Variants in DIPK1A observed in about 807,000 individuals in gnomAD.
The protein encoded by DIPK1A is family with sequence similarity 69 member A.
A neutral mutation model predicts 40.8 loss-of-function variants in DIPK1A; 27 were observed. The observed-to-expected ratio is 0.66, with a 90% CI of 0.49 to 0.91. The LOEUF (loss-of-function observed/expected upper bound fraction) is 0.91. Among genes scored for constraint, DIPK1A ranks in the 40% least tolerant of loss-of-function variants. The pLI, the probability that DIPK1A is intolerant of heterozygous loss-of-function variation, is 0.00. For synonymous variants in DIPK1A, 166 were observed against 171.3 expected (o/e 0.97, Z 0.24); for missense variants, 412 against 505.7 (o/e 0.81, Z 1.78).
chr1:92,911,081 C>T (rs909883910), intron 1 of DIPK1A, among the ~76,000 whole-genome samples: 2 of 152,080 alleles, frequency 1.3e-5, no homozygotes, highest in Admixed American at 6.5e-5. Flanking sequence ...GGCTTTTTTT[C>T]GGCAAGCATA....
intron 4 of DIPK1A, chr1:92,845,357 A>T (rs1421680801): frequency 7.3e-6 from 1 of 136,276 alleles, no homozygotes; most frequent in Admixed American, 8.0e-5. Flanking sequence ...AGTTTTAGTG[A>T]CATGTAATAA....
At chr1:92,929,002 CTGTT>C (rs1395846553) in intron 1 of DIPK1A, among the ~76,000 whole-genome samples, 1 of 152,072 alleles carries the variant, frequency 6.6e-6, no homozygotes, top group African/African-American at 2.4e-5. Flanking sequence ...TTCTCTTTCT[CTGTT>C]TGAGGTTTCC....
intron 4 of DIPK1A, chr1:92,834,724 T>C (rs1187407366): frequency 5.0e-6 from 8 of 1,604,522 alleles, no homozygotes; most frequent in Non-Finnish European, 6.8e-6. Context: ...ATAATTAAGA[T>C]GTAGTAAGAC....
intron 1 of DIPK1A, among the ~76,000 whole-genome samples, chr1:92,944,043 G>A (rs1484848161): frequency 6.6e-6 from 1 of 151,904 alleles, no homozygotes; most frequent in African/African-American, 2.4e-5. Context: ...CTATGAATAG[G>A]AAACCATAAA....
In DIPK1A at chr1:92,848,206, AAAAT is replaced by A. The variant is rs760414910; in HGVS notation, c.298-851_298-848del. 2.0e-5 allele frequency among the ~76,000 whole-genome samples: 3 copies of A among 152,242 alleles called. No individual in the cohort carries two copies. In the South Asian group the frequency reaches 6.2e-4, roughly 32 times the overall value. On this transcript the variant is annotated intron_variant, in intron 3 of 4. Coordinates refer to ENST00000370310, the MANE Select transcript of DIPK1A (RefSeq NM_001006605.5). ...ATAGGTTGCCCCTCTTCTACATAAA[AAAAT>A]AAATAAGATCATATTCATTCTTAAT...
chr1:92,880,889 AC>A (rs1648338002), intron 1 of DIPK1A, among the ~76,000 whole-genome samples: 1 of 140,182 alleles, frequency 7.1e-6, no homozygotes, highest in African/African-American at 2.7e-5. Flanking sequence ...AAACAAACAA[AC>A]AAACAAAAAA....
chr1:92,915,604 AGCACT>A (rs1165823847), intron 1 of DIPK1A, among the ~76,000 whole-genome samples: 1 of 152,158 alleles, frequency 6.6e-6, no homozygotes, highest in East Asian at 1.9e-4. Flanking sequence ...CTATTTAACA[AGCACT>A]GTGTTAAGAA....
intron 1 of DIPK1A, chr1:92,932,836 C>T (rs1650806549): frequency 6.6e-6 from 1 of 152,154 alleles, no homozygotes; most frequent in African/African-American, 2.4e-5. Flanking sequence ...TGAAACTACT[C>T]TGATTGATAA....
chr1:92,856,931 A>G (rs1450873375), intron 2 of DIPK1A, among the ~76,000 whole-genome samples: 1 of 152,228 alleles, frequency 6.6e-6, no homozygotes, highest in African/African-American at 2.4e-5. Flanking sequence ...ATGGTTGAAT[A>G]AAGTGGTATA....
intron 2 of DIPK1A, among the ~76,000 whole-genome samples, chr1:92,874,911 C>T (rs1185531476): frequency 6.6e-6 from 1 of 152,080 alleles, no homozygotes; most frequent in Non-Finnish European, 1.5e-5. Context: ...GTACCCAGTA[C>T]ATTGGCCCCA....
rs537472678 is a variant in DIPK1A, at chr1:92,856,817, G to C, written c.190-5862C>G. ...GCAGGCCAGGGTACAGTCTTGGAAG[G>C]ACTGCAGCATGCCATCTAGGTGCAG... On this transcript the variant is annotated intron_variant, in intron 2 of 4. Transcript: ENST00000370310. 3.3e-5 allele frequency among the ~76,000 whole-genome samples: 5 copies of C among 152,338 alleles called. No homozygotes were observed. The East Asian group carries it at 9.6e-4, about 29-fold the overall frequency.
chr1:92,891,290 T>A (rs981579061), intron 1 of DIPK1A, among the ~76,000 whole-genome samples: 5 of 152,064 alleles, frequency 3.3e-5, no homozygotes, highest in Admixed American at 3.3e-4. Flanking sequence ...CATTGATCTT[T>A]TGTGGTTTTT....
chr1:92,883,877 G>A (rs887894373), intron 1 of DIPK1A, among the ~76,000 whole-genome samples: 4 of 152,182 alleles, frequency 2.6e-5, no homozygotes, highest in African/African-American at 7.2e-5. Context: ...CACCCCAGAA[G>A]AGGATCAGCA....
chr1:92,916,498 C>T (rs1249157262), intron 1 of DIPK1A, among the ~76,000 whole-genome samples: 1 of 151,984 alleles, frequency 6.6e-6, no homozygotes, highest in Non-Finnish European at 1.5e-5. Flanking sequence ...GATGTGGTTT[C>T]ACCATGTTGG....
At chr1:92,894,976 G>A (rs1428764636) in intron 1 of DIPK1A, among the ~76,000 whole-genome samples, 1 of 152,018 alleles carries the variant, frequency 6.6e-6, no homozygotes, top group East Asian at 1.9e-4. Flanking sequence ...TCCCTGAATA[G>A]ACCAATAACA....
chr1:92,840,738 C>A, downstream of DIPK1A: 1 of 882,814 alleles, frequency 1.1e-6, no homozygotes, highest in Non-Finnish European at 1.9e-6. Context: ...CGATCACTAG[C>A]TCTGCGTGAT....
intron 1 of DIPK1A, chr1:92,930,597 A>G (rs1175280712): frequency 6.6e-6 from 1 of 152,186 alleles, no homozygotes; most frequent in Non-Finnish European, 1.5e-5. Flanking sequence ...CCTTCAAGGT[A>G]TTATTTACCC....
chr1:92,853,324 C>T (rs970289831), intron 2 of DIPK1A, among the ~76,000 whole-genome samples: 3 of 152,012 alleles, frequency 2.0e-5, no homozygotes, highest in African/African-American at 7.2e-5. Context: ...AATGAATGTC[C>T]CAAGAAAAAC....
intron 1 of DIPK1A, among the ~76,000 whole-genome samples, chr1:92,934,812 G>A (rs980973983): frequency 6.6e-5 from 10 of 152,160 alleles, no homozygotes; most frequent in African/African-American, 2.4e-4. Context: ...TGCCAAGAGA[G>A]TTCCTGGCAA....
Sources: allele counts gnomAD v4.1 joint callset (sites outside exome capture counted in the v4.1 genomes callset), GRCh38; gene constraint gnomAD v4.1.1; transcripts MANE v1.5; gene names NCBI Gene and HGNC (gene_info 2026-07-23, HGNC 2026-07-21).